The following HDLBP variants were observed in gnomAD, a reference collection of about 807,000 sequenced individuals.
The protein encoded by HDLBP is vigilin.
HDLBP carries 30 observed loss-of-function variants against 137.3 expected under a neutral mutation model. That is an observed-to-expected ratio of 0.22 (90% CI 0.16 to 0.30). The LOEUF (loss-of-function observed/expected upper bound fraction) is 0.30. Among genes scored for constraint, HDLBP ranks in the 10% least tolerant of loss-of-function variants. The pLI is 1.00. For missense variants in HDLBP, 1,119 were observed against 1,667.3 expected, an observed-to-expected ratio of 0.67 and a Z score of 5.73; for synonymous variants, 606 against 596.0, an observed-to-expected ratio of 1.02 and a Z score of -0.24.
chr2:241,312,908 G>A (rs1033849088), intron 1 of HDLBP, among the ~76,000 whole-genome samples: 2 of 152,142 alleles, frequency 1.3e-5, no homozygotes, highest in African/African-American at 4.8e-5. Context: ...AAAACTCACT[G>A]AAGGGCATCA....
At chr2:241,300,950 CTATTATTATTATTATTATTATTATTAT>C (rs66491533) in intron 1 of HDLBP, among the ~76,000 whole-genome samples, 5 of 143,910 alleles carry the variant, frequency 3.5e-5, no homozygotes, top group Non-Finnish European at 7.5e-5. Flanking sequence ...TGCACACATA[CTATTATTATTATTATTATTATTATTAT>C]TATTATTATT....
At chr2:241,259,702 T>C (rs1250493988) in intron 5 of HDLBP, among the ~76,000 whole-genome samples, 1 of 152,220 alleles carries the variant, frequency 6.6e-6, no homozygotes, top group African/African-American at 2.4e-5. Context: ...CTCAAATTCC[T>C]GTGCTCATGC....
intron 16 of HDLBP, among the ~76,000 whole-genome samples, chr2:241,245,865 G>C (rs1347247263): frequency 6.6e-6 from 1 of 152,092 alleles, no homozygotes; most frequent in African/African-American, 2.4e-5. Context: ...ATACTACCAG[G>C]GAAAAGGCAT....
intron 5 of HDLBP, among the ~76,000 whole-genome samples, chr2:241,257,625 G>C (rs10170128): frequency 6.6e-6 from 1 of 152,130 alleles, no homozygotes. Flanking sequence ...ATGTGCATTC[G>C]AAATTAGAAA....
chr2:241,257,099 T>G (rs886766674), intron 5 of HDLBP, among the ~76,000 whole-genome samples: 1 of 152,082 alleles, frequency 6.6e-6, no homozygotes, highest in African/African-American at 2.4e-5. Flanking sequence ...GGAAGAAGCA[T>G]GACTGCATAT....
chr2:241,281,652 C>CT (rs1256294024), intron 1 of HDLBP, among the ~76,000 whole-genome samples: 79 of 152,322 alleles, frequency 5.2e-4, no homozygotes, highest in African/African-American at 1.9e-3. Context: ...ACAGCCTTCA[C>CT]ACGTGGCTAG....
At chr2:241,232,141 C>T (rs530342019) in intron 24 of HDLBP, among the ~76,000 whole-genome samples, 38 of 152,306 alleles carry the variant, frequency 2.5e-4, no homozygotes, top group South Asian at 1.5e-3. Context: ...AGGCACCACC[C>T]GCGTGCTGCC....
intron 21 of HDLBP, 100 bp from the exon 22 acceptor site, chr2:241,235,694 T>C (rs897726376): frequency 1.3e-6 from 1 of 759,990 alleles, no homozygotes; most frequent in Non-Finnish European, 2.3e-6. Flanking sequence ...CAAACAGCCC[T>C]ATGACAACAG....
chr2:241,270,006 C>T (rs1247179206), intron 1 of HDLBP, among the ~76,000 whole-genome samples: 1 of 152,180 alleles, frequency 6.6e-6, no homozygotes, highest in Non-Finnish European at 1.5e-5. Context: ...AGGTTCTGGG[C>T]AAGTCTCTAG....
chr2:241,270,872 G>C (rs1219753508), intron 1 of HDLBP: 2 of 677,830 alleles, frequency 3.0e-6, no homozygotes, highest in Non-Finnish European at 3.6e-6. Flanking sequence ...CAAGAACAGA[G>C]GCTAACATCG....
intron 12 of HDLBP, 23 bp downstream of exon 12, chr2:241,249,818 G>A (rs1325625823): frequency 1.3e-6 from 2 of 1,582,890 alleles, no homozygotes; most frequent in Non-Finnish European, 1.7e-6. Flanking sequence ...TGCCTTTCTA[G>A]AGGGCCCAGC....
chr2:241,250,071 A>G, intron 11 of HDLBP, 91 bp from the exon 12 acceptor site: 2 of 1,275,714 alleles, frequency 1.6e-6, no homozygotes, highest in Non-Finnish European at 2.1e-6. Flanking sequence ...AAAGCGCTAA[A>G]TAACCTTATC....
intron 1 of HDLBP, among the ~76,000 whole-genome samples, chr2:241,309,971 A>G (rs2075712659): frequency 6.6e-6 from 1 of 152,204 alleles, no homozygotes; most frequent in Non-Finnish European, 1.5e-5. Context: ...ACAGTCAGCC[A>G]CAGACACAGG....
chr2:241,259,050 A>G (rs1203029785), intron 5 of HDLBP, among the ~76,000 whole-genome samples: 1 of 152,218 alleles, frequency 6.6e-6, no homozygotes, highest in East Asian at 1.9e-4. Flanking sequence ...TGTAACAGCT[A>G]AAGTCTGGAA....
chr2:241,272,701 A>AGCCCGCCC lies in HDLBP; in HGVS notation c.-102-4168_-102-4161dup, dbSNP rs1160192672. 3 of 583,088 alleles carry AGCCCGCCC rather than the reference A, an allele frequency of 5.1e-6. No individual in the cohort carries two copies. The South Asian group carries it at 2.5e-4, about 49-fold the overall frequency. 36.1% of individuals were successfully genotyped at this position (583,088 alleles called of 1,614,324 possible). Reference sequence around the variant, plus strand: ...GCCACCCCCCACCCCCCCGCCCGGCAGCCCGCCCGCCCCGTCCGCCCGCCC... The same window carrying AGCCCGCCC: ...GCCACCCCCCACCCCCCCGCCCGGCAGCCCGCCCGCCCGCCCGCCCCGTCCGCCCGCCC... On this transcript the variant is annotated intron_variant, in intron 1 of 27. Transcript: ENST00000310931. The surrounding 1 kb of genome is among the most constrained non-coding windows in gnomAD (Gnocchi z 5.6).
intron 5 of HDLBP, among the ~76,000 whole-genome samples, chr2:241,261,091 G>C (rs574748921): frequency 6.6e-6 from 1 of 151,518 alleles, no homozygotes; most frequent in Non-Finnish European, 1.5e-5. Flanking sequence ...ACTACTTGAA[G>C]GGCTGAGTCA....
At chr2:241,253,803 A>ACAAGGC (rs2072396244) in intron 9 of HDLBP, among the ~76,000 whole-genome samples, 1 of 152,226 alleles carries the variant, frequency 6.6e-6, no homozygotes, top group South Asian at 2.1e-4. Context: ...CTGAACTTTT[A>ACAAGGC]CAAGGCCTGG....
chr2:241,283,821 G>A (rs2074705205), intron 1 of HDLBP, among the ~76,000 whole-genome samples: 1 of 152,142 alleles, frequency 6.6e-6, no homozygotes, highest in South Asian at 2.1e-4. Context: ...TCAAAAGGCT[G>A]ACTCTCTTGT....
rs534126308 is a variant in HDLBP at position 241,249,690 on chromosome 2, T to A, written c.1512+151A>T. 4 of 693,978 alleles carry A rather than the reference T, an allele frequency of 5.8e-6. No homozygotes were observed. The East Asian group carries it at 1.1e-4, about 19-fold the overall frequency. 43.0% of individuals were successfully genotyped at this position (693,978 alleles called of 1,614,324 possible). ...TGACCTGGGGAGGATAAAGGAAATG[T>A]GGCCCCAGGGAGTCCAATCCGGTTC... On this transcript the variant is annotated intron_variant, in intron 12 of 27. Coordinates refer to ENST00000310931, the MANE Select transcript of HDLBP (RefSeq NM_005336.6).
Sources: allele counts gnomAD v4.1 joint callset (sites outside exome capture counted in the v4.1 genomes callset), GRCh38; gene constraint gnomAD v4.1.1; non-coding constraint Gnocchi (gnomAD v3.1); transcripts MANE v1.5; gene names NCBI Gene and HGNC (gene_info 2026-07-23, HGNC 2026-07-21).